NBEA: variants seen among roughly 807,000 people sequenced by gnomAD.
NBEA encodes lysosomal-trafficking regulator 2.
NBEA carries 44 observed loss-of-function variants against 343.4 expected under a neutral mutation model. The observed-to-expected ratio is 0.13, with a 90% CI of 0.10 to 0.16. NBEA has a LOEUF of 0.16. Ranked by LOEUF, NBEA falls within the 10% of genes least tolerant of loss-of-function variation. NBEA has a pLI of 1.00. For synonymous variants in NBEA, 1,175 were observed against 1,238.7 expected (o/e 0.95, Z 1.08); for missense variants, 2,555 against 3,631.3 (o/e 0.70, Z 7.62).
chr13:35,193,543 A>G (rs1229185667), intron 30 of NBEA, among the ~76,000 whole-genome samples: 1 of 151,848 alleles, frequency 6.6e-6, no homozygotes, highest in Non-Finnish European at 1.5e-5. Flanking sequence ...CTTCTCATTT[A>G]TAGGGTTACT....
chr13:35,368,965 A>G lies in NBEA; in HGVS notation c.6179+16642A>G, dbSNP rs377369242. ...CTCTATTCTAGCCTCTGACCAATTA[A>G]CAAATACAACCAAACCATCTAAGGC... On this transcript the variant is annotated intron_variant, in intron 38 of 58. Coordinates refer to ENST00000379939, the MANE Select transcript of NBEA (RefSeq NM_001385012.1). Among the ~76,000 whole-genome samples the G allele has an allele frequency of 3.7e-3, 560 of 151,862 alleles. 6 individuals carry two copies. Among genetic ancestry groups the G allele is most frequent in the African/African-American group, 0.013 (520 of 41,528 alleles).
At chr13:35,251,374 A>T in intron 34 of NBEA, 8 of 1,037,038 alleles carry the variant, frequency 7.7e-6, no homozygotes, top group Non-Finnish European at 9.3e-6. Context: ...GACTCCAATG[A>T]CTGTGTGCTG....
Position 35,193,117 on chromosome 13 carries a change from C to T in NBEA, c.4928-2747C>T, listed in dbSNP as rs539891520. Among the ~76,000 whole-genome samples, 56 of 151,966 alleles carry T rather than the reference C, an allele frequency of 3.7e-4. 1 individual carries two copies. Among genetic ancestry groups the T allele is most frequent in the African/African-American group, 1.3e-3 (52 of 41,526 alleles). On this transcript the variant is annotated intron_variant, in intron 30 of 58. Coordinates refer to ENST00000379939, the MANE Select transcript of NBEA (RefSeq NM_001385012.1). Reference sequence around the variant, plus strand: ...GCATTTACATTTTCTGTCCTCTTGTCGCTATAACTATTTAAACTATTTAAT... The same window carrying T: ...GCATTTACATTTTCTGTCCTCTTGTTGCTATAACTATTTAAACTATTTAAT...
intron 1 of NBEA, among the ~76,000 whole-genome samples, chr13:35,015,811 C>G (rs1477024615): frequency 1.3e-5 from 2 of 151,914 alleles, no homozygotes; most frequent in African/African-American, 2.4e-5. Flanking sequence ...TCAGTGTGCT[C>G]TATTTGAGAA....
chr13:35,345,920 G>T (rs1368198294), intron 36 of NBEA, among the ~76,000 whole-genome samples: 1 of 152,080 alleles, frequency 6.6e-6, no homozygotes, highest in Non-Finnish European at 1.5e-5. Context: ...ATTGTGAGCT[G>T]CTGTGATCAA....
chr13:35,535,372 C>T (rs868831757), intron 41 of NBEA, among the ~76,000 whole-genome samples: 1 of 151,972 alleles, frequency 6.6e-6, no homozygotes, highest in East Asian at 1.9e-4. Flanking sequence ...CACGCAAAAC[C>T]GTTTAGTAAG....
chr13:35,374,246 A>G (rs1474006828), intron 38 of NBEA, among the ~76,000 whole-genome samples: 1 of 152,214 alleles, frequency 6.6e-6, no homozygotes, highest in Non-Finnish European at 1.5e-5. Context: ...AGAAGGAGAA[A>G]CAAGGCGAAC....
chr13:35,078,021 A>G (rs1472432402), intron 10 of NBEA, among the ~76,000 whole-genome samples: 1 of 152,220 alleles, frequency 6.6e-6, no homozygotes, highest in Non-Finnish European at 1.5e-5. Flanking sequence ...GAGATTTAAC[A>G]GAATACTTCA....
At chr13:35,491,958 C>A (rs1367257025) in intron 41 of NBEA, among the ~76,000 whole-genome samples, 3 of 151,934 alleles carry the variant, frequency 2.0e-5, no homozygotes, top group Non-Finnish European at 4.4e-5. Flanking sequence ...CTTTCCACAT[C>A]CGTATCAATG....
At chr13:35,195,523 C>T (rs952710768) in intron 30 of NBEA, among the ~76,000 whole-genome samples, 4 of 151,978 alleles carry the variant, frequency 2.6e-5, no homozygotes, top group Admixed American at 1.3e-4. Flanking sequence ...CTCAGCCTCC[C>T]GAGTAGCTGG....
intron 1 of NBEA, among the ~76,000 whole-genome samples, chr13:35,035,815 T>A (rs1409093661): frequency 1.3e-5 from 2 of 152,020 alleles, no homozygotes; most frequent in Admixed American, 1.3e-4. Context: ...TTTTGTCTGA[T>A]ACAAGTATAG....
intron 38 of NBEA, among the ~76,000 whole-genome samples, chr13:35,384,402 G>A (rs1033296327): frequency 2.6e-5 from 4 of 152,026 alleles, no homozygotes; most frequent in African/African-American, 4.8e-5. Context: ...TATGTAATCA[G>A]AGGAGTGATT....
At chr13:35,098,573 T>C (rs1365890639) in intron 11 of NBEA, among the ~76,000 whole-genome samples, 168 bp downstream of exon 11, 1 of 152,150 alleles carries the variant, frequency 6.6e-6, no homozygotes, top group East Asian at 1.9e-4. Context: ...ATTAACTGGG[T>C]ATCGGAAGTG....
intron 46 of NBEA, among the ~76,000 whole-genome samples, chr13:35,586,501 C>G (rs1212126297): frequency 2.0e-5 from 3 of 152,066 alleles, no homozygotes; most frequent in Admixed American, 1.3e-4. Context: ...TAATGATAAA[C>G]TAAAGGAAAA....
intron 36 of NBEA, among the ~76,000 whole-genome samples, chr13:35,312,495 G>A (rs1175646294): frequency 6.6e-6 from 1 of 152,174 alleles, no homozygotes; most frequent in Non-Finnish European, 1.5e-5. Context: ...CCACATGGAG[G>A]CACAGGTCAT....
chr13:35,592,679 A>G (rs2153043358), intron 46 of NBEA, among the ~76,000 whole-genome samples: 1 of 152,200 alleles, frequency 6.6e-6, no homozygotes, highest in South Asian at 2.1e-4. Flanking sequence ...TGAAGAGGGG[A>G]ATGGTGAGAG....
intron 31 of NBEA, among the ~76,000 whole-genome samples, chr13:35,203,830 A>G (rs762440764): frequency 6.6e-6 from 1 of 152,158 alleles, no homozygotes; most frequent in Non-Finnish European, 1.5e-5. Context: ...AACTTTTACA[A>G]CCTTGGAGTG....
chr13:35,255,799 CT>C (rs746802715), intron 34 of NBEA, among the ~76,000 whole-genome samples: 1 of 152,336 alleles, frequency 6.6e-6, no homozygotes, highest in East Asian at 1.9e-4. Context: ...TGTTTCAGCC[CT>C]GTTTGTGTTA....
chr13:34,980,050 T>G (rs965163239), intron 1 of NBEA, among the ~76,000 whole-genome samples: 1 of 152,164 alleles, frequency 6.6e-6, no homozygotes. Flanking sequence ...ATTGATCCAT[T>G]TGTTGGTCTT....
Sources: allele counts gnomAD v4.1 joint callset (sites outside exome capture counted in the v4.1 genomes callset), GRCh38; gene constraint gnomAD v4.1.1; transcripts MANE v1.5; gene names NCBI Gene and HGNC (gene_info 2026-07-23, HGNC 2026-07-21).